CACNA1E: variants seen among roughly 807,000 people sequenced by gnomAD.
The protein encoded by CACNA1E is voltage-dependent R-type calcium channel subunit alpha-1E.
CACNA1E carries 40 observed loss-of-function variants against 259.2 expected under a neutral mutation model. That is an observed-to-expected ratio of 0.15 (90% CI 0.12 to 0.20). The LOEUF (loss-of-function observed/expected upper bound fraction) is 0.20, where lower values mean the gene tolerates loss of function less well. Among genes scored for constraint, CACNA1E ranks in the 10% least tolerant of loss-of-function variants. The probability of loss-of-function intolerance (pLI) is 1.00; values close to 1 mark genes in which losing one functional copy is unlikely to be tolerated. For missense variants in CACNA1E, 1,874 were observed against 3,040.1 expected, an observed-to-expected ratio of 0.62 and a Z score of 9.02; for synonymous variants, 1,104 against 1,138.5, an observed-to-expected ratio of 0.97 and a Z score of 0.61.
chr1:181,759,843 T>A (rs1658421353), intron 32 of CACNA1E, among the ~76,000 whole-genome samples: 1 of 152,222 alleles, frequency 6.6e-6, no homozygotes, highest in Non-Finnish European at 1.5e-5. Flanking sequence ...CTGGGTTCGA[T>A]AATTGTGAGT....
intron 2 of CACNA1E, among the ~76,000 whole-genome samples, chr1:181,440,968 G>A (rs1160467210): frequency 8.0e-6 from 1 of 124,430 alleles, no homozygotes; most frequent in African/African-American, 3.0e-5. Context: ...GTGAGAGAGC[G>A]AGACGACCTT....
At chr1:181,742,932 T>G (rs3753743) in intron 25 of CACNA1E, among the ~76,000 whole-genome samples, 17,809 of 152,250 alleles carry the variant, frequency 0.12, 1,065 homozygotes, top group Admixed American at 0.17. Flanking sequence ...TTTTTTCATT[T>G]GTTTATTTTT....
intron 37 of CACNA1E, among the ~76,000 whole-genome samples, chr1:181,772,562 G>A (rs697258): frequency 0.53 from 80,283 of 152,000 alleles, 22,233 homozygotes; most frequent in East Asian, 0.73. Flanking sequence ...GCTTCATATC[G>A]AATCTATGGA....
intron 39 of CACNA1E, among the ~76,000 whole-genome samples, chr1:181,782,665 T>C (rs1019832192): frequency 1.3e-5 from 2 of 152,178 alleles, no homozygotes; most frequent in Non-Finnish European, 2.9e-5. Flanking sequence ...GAGGACGTTC[T>C]CCTGCTGCTA....
intron 1 of CACNA1E, among the ~76,000 whole-genome samples, chr1:181,370,500 G>A (rs4556321): frequency 0.32 from 48,492 of 151,890 alleles, 8,136 homozygotes; most frequent in African/African-American, 0.43. Flanking sequence ...CTCAATGTTT[G>A]GCTCCCGCTT....
chr1:181,774,572 C>T (rs1308563166), intron 37 of CACNA1E, among the ~76,000 whole-genome samples: 2 of 152,354 alleles, frequency 1.3e-5, no homozygotes, highest in Non-Finnish European at 2.9e-5. Context: ...GCTCCATCAC[C>T]TCTGTGGTGT....
At chr1:181,534,274 A>T (rs1668000868) in intron 3 of CACNA1E, among the ~76,000 whole-genome samples, 1 of 152,128 alleles carries the variant, frequency 6.6e-6, no homozygotes, top group Non-Finnish European at 1.5e-5. Context: ...AAGGTTTTGG[A>T]AGTTCATTCT....
intron 32 of CACNA1E, among the ~76,000 whole-genome samples, chr1:181,760,234 C>T (rs1285813583): frequency 6.6e-6 from 1 of 152,064 alleles, no homozygotes; most frequent in Non-Finnish European, 1.5e-5. Context: ...TAGATTCGGC[C>T]CTTGAAGCCT....
At position 181,488,293 on chromosome 1, in the gene CACNA1E, T is replaced by G. The variant is rs561982514; in HGVS notation, c.266+4283T>G. Reference sequence around the variant, plus strand: ...TTTGATGTAACTAGTGAATCATGAGTCAAGATGCCTTGATTAGGGAAGATG... The same window carrying G: ...TTTGATGTAACTAGTGAATCATGAGGCAAGATGCCTTGATTAGGGAAGATG... On this transcript the variant is annotated intron_variant, in intron 1 of 47. Transcript: ENST00000367573. Among the ~76,000 whole-genome samples the G allele has an allele frequency of 2.0e-5, 3 of 152,192 alleles. No individual in the cohort carries two copies. The South Asian group carries it at 6.2e-4, about 32-fold the overall frequency.
intron 12 of CACNA1E, among the ~76,000 whole-genome samples, chr1:181,718,953 T>C (rs1356829760): frequency 6.6e-6 from 1 of 152,220 alleles, no homozygotes; most frequent in Non-Finnish European, 1.5e-5. Flanking sequence ...CACTTCTCTT[T>C]CTGTCAATCC....
intron 6 of CACNA1E, among the ~76,000 whole-genome samples, chr1:181,603,512 T>C (rs1653936542): frequency 6.6e-6 from 1 of 152,130 alleles, no homozygotes; most frequent in African/African-American, 2.4e-5. Context: ...CATGCATGTG[T>C]GAACACTGTA....
intron 18 of CACNA1E, among the ~76,000 whole-genome samples, chr1:181,730,103 C>T (rs929542976): frequency 6.6e-6 from 1 of 152,244 alleles, no homozygotes; most frequent in Non-Finnish European, 1.5e-5. Flanking sequence ...GAGTGGGCCT[C>T]AGACCAACTG....
chr1:181,653,086 A>G (rs903688528), intron 7 of CACNA1E, among the ~76,000 whole-genome samples: 1 of 152,070 alleles, frequency 6.6e-6, no homozygotes, highest in Non-Finnish European at 1.5e-5. Context: ...GGTGAGACTC[A>G]CTGTATTAAT....
At chr1:181,535,992 G>A (rs937781921) in intron 3 of CACNA1E, among the ~76,000 whole-genome samples, 1 of 152,030 alleles carries the variant, frequency 6.6e-6, no homozygotes, top group Admixed American at 6.6e-5. Context: ...TGGCCAACAT[G>A]ATTATTTCTT....
At chr1:181,538,914 T>C (rs1022054415) in intron 3 of CACNA1E, among the ~76,000 whole-genome samples, 1 of 152,216 alleles carries the variant, frequency 6.6e-6, no homozygotes, top group Admixed American at 6.5e-5. Flanking sequence ...CAAAATGTAA[T>C]ATAATTCTGC....
intron 6 of CACNA1E, among the ~76,000 whole-genome samples, chr1:181,635,259 C>T (rs933419232): frequency 2.0e-5 from 3 of 152,126 alleles, no homozygotes; most frequent in African/African-American, 7.2e-5. Flanking sequence ...GTCTGATGCC[C>T]GGTCATCCTA....
intron 25 of CACNA1E, among the ~76,000 whole-genome samples, chr1:181,745,774 G>A (rs560376873): frequency 6.6e-6 from 1 of 152,232 alleles, no homozygotes; most frequent in African/African-American, 2.4e-5. Context: ...CAGCAGATGA[G>A]GTGTCTTTGG....
At chr1:181,638,314 GAATAGTATTAC>G (rs1290239997) in intron 6 of CACNA1E, among the ~76,000 whole-genome samples, 1 of 152,194 alleles carries the variant, frequency 6.6e-6, no homozygotes, top group Non-Finnish European at 1.5e-5. Context: ...CACAACATTG[GAATAGTATTAC>G]AATATGAAAT....
At chr1:181,608,743 T>C (rs910519962) in intron 6 of CACNA1E, among the ~76,000 whole-genome samples, 1 of 152,224 alleles carries the variant, frequency 6.6e-6, no homozygotes, top group African/African-American at 2.4e-5. Flanking sequence ...TCTATTCTAG[T>C]CATGTGCCAG....
Sources: allele counts gnomAD v4.1 joint callset (sites outside exome capture counted in the v4.1 genomes callset), GRCh38; gene constraint gnomAD v4.1.1; transcripts MANE v1.5; gene names NCBI Gene and HGNC (gene_info 2026-07-23, HGNC 2026-07-21).